Variants in SYNE2 observed in about 807,000 individuals in gnomAD.
SYNE2 encodes the protein nesprin-2.
A neutral mutation model predicts 856.3 loss-of-function variants in SYNE2; 431 were observed. The observed-to-expected ratio is 0.50, with a 90% CI of 0.47 to 0.55. The LOEUF (loss-of-function observed/expected upper bound fraction) is 0.55. Among genes scored for constraint, SYNE2 ranks in the 20% least tolerant of loss-of-function variants. The pLI is 0.00. For missense variants in SYNE2, 8,129 were observed against 8,023.2 expected (o/e 1.01, Z -0.50); for synonymous variants, 2,923 against 2,872.3 (o/e 1.02, Z -0.56).
Position 64,031,033 on chromosome 14 carries a change from C to A in SYNE2, c.6897C>A (p.Leu2299=). The A allele has an allele frequency of 6.2e-7, 1 of 1,613,692 alleles. No individual in the cohort carries two copies. The highest frequency in any genetic ancestry group is 1.1e-5 in the South Asian group (1 of 90,978). Residue 2299 remains leucine (L), a synonymous_variant, in exon 45 of 116, where the codon CTC becomes CTA. Coordinates refer to ENST00000555002, the MANE Select transcript of SYNE2 (RefSeq NM_182914.3). ...ACTCGTAGGAACTAGAGAATAGACTCAGTTTACAAGATGGCACATTAAAGA... is the reference window on the plus strand; with the variant it reads ...ACTCGTAGGAACTAGAGAATAGACTAAGTTTACAAGATGGCACATTAAAGA... ...LQKLQELENR[L]SLQDGTLKKI... is the part of the protein sequence containing the mutation.
rs751533043 is a variant in SYNE2 at position 64,007,130 on chromosome 14, A to G, written c.4485A>G (p.Pro1495=). 4 of 1,613,990 alleles carry G rather than the reference A, an allele frequency of 2.5e-6. No individual in the cohort carries two copies. Among genetic ancestry groups the G allele is most frequent in the African/African-American group, 2.7e-5 (2 of 75,058 alleles). Residue 1495 remains proline (P), a synonymous_variant, in exon 31 of 116, where the codon CCA becomes CCG. Coordinates refer to ENST00000555002, the MANE Select transcript of SYNE2 (RefSeq NM_182914.3). Reference sequence around the variant, plus strand: ...TACAAGAAATGGCTAATTCTCTTCCACACTTCAAAGATGGCAGAGAAAAAA... The same window carrying G: ...TACAAGAAATGGCTAATTCTCTTCCGCACTTCAAAGATGGCAGAGAAAAAA... The part of the protein sequence containing the change: ...RHLQEMANSL[P]HFKDGREKTV...
intron 8 of SYNE2, among the ~76,000 whole-genome samples, chr14:63,958,634 C>T (rs1193586247): frequency 2.0e-5 from 3 of 152,152 alleles, no homozygotes; most frequent in Admixed American, 2.0e-4. Context: ...TTTTCTCCCC[C>T]TTCTCTCCAT....
intron 58 of SYNE2, among the ~76,000 whole-genome samples, chr14:64,089,369 G>GAAAAAAAAAAAAAAAAAAAAAAAAAAA (rs57358817): frequency 2.0e-5 from 1 of 50,462 alleles, no homozygotes; most frequent in Non-Finnish European, 3.4e-5. Context: ...TCCGTCTCAG[G>GAAAAAAAAAAAAAAAAAAAAAAAAAAA]AAAAAAAAAA....
At chr14:63,845,852 T>C (rs946810106) in intron 1 of SYNE2, among the ~76,000 whole-genome samples, 7 of 151,096 alleles carry the variant, frequency 4.6e-5, no homozygotes, top group African/African-American at 1.7e-4. Flanking sequence ...GTGATTCTCC[T>C]GCCTCAGCCT....
At chr14:63,958,373 C>A (rs1247571040) in intron 8 of SYNE2, among the ~76,000 whole-genome samples, 2 of 152,102 alleles carry the variant, frequency 1.3e-5, no homozygotes, top group Non-Finnish European at 2.9e-5. Context: ...AAATAAATGA[C>A]CTTGACAGTT....
intron 113 of SYNE2, 59 bp downstream of exon 113, chr14:64,223,439 G>C (rs1382934291): frequency 6.3e-7 from 1 of 1,590,890 alleles, no homozygotes; most frequent in Non-Finnish European, 8.6e-7. Context: ...AGACAGGACA[G>C]CAGTGTTGTA....
At chr14:64,223,403 A>G in intron 113 of SYNE2, 23 bp downstream of exon 113, 2 of 1,612,628 alleles carry the variant, frequency 1.2e-6, no homozygotes, top group Non-Finnish European at 1.7e-6. Flanking sequence ...GTAGCTTTTA[A>G]CTGTAAAGAT....
rs750645462 is a variant in SYNE2, at chr14:63,964,962, CT to C, written c.990+980del. ...GATTATTACCACATATTGAACATTTCTTTTTTTTTTTTTTTTTTGAGGCGGA... is the reference window on the plus strand; with the variant it reads ...GATTATTACCACATATTGAACATTTCTTTTTTTTTTTTTTTTTGAGGCGGA... On this transcript the variant is annotated intron_variant, in intron 10 of 115. Transcript: ENST00000555002. Among the ~76,000 whole-genome samples the C allele has an allele frequency of 4.6e-3, 602 of 130,984 alleles. 4 individuals are homozygous for C. The highest frequency in any genetic ancestry group is 0.021 in the South Asian group (84 of 3,938). The allele number at this position is 130,984 out of a possible 152,430, so 85.9% of individuals were successfully genotyped here. A position where few individuals can be genotyped will look rare whatever the true frequency, so the allele number is the denominator to read the frequency against.
chr14:63,852,004 AT>A (rs1890544829), upstream of SYNE2, among the ~76,000 whole-genome samples: 1 of 6,932 alleles, frequency 1.4e-4, no homozygotes, highest in Non-Finnish European at 2.8e-4. Flanking sequence ...AATGAAATGG[AT>A]GAAATGGGGG....
At chr14:63,891,744 A>G (rs1460179259) in intron 1 of SYNE2, among the ~76,000 whole-genome samples, 1 of 152,056 alleles carries the variant, frequency 6.6e-6, no homozygotes, top group Non-Finnish European at 1.5e-5. Flanking sequence ...CTTATCTGAA[A>G]AAGATTGCTT....
At chr14:64,107,448 C>G (rs768809236) in intron 64 of SYNE2, 43 bp from the exon 65 acceptor site, 3 of 1,537,636 alleles carry the variant, frequency 2.0e-6, no homozygotes, top group South Asian at 1.1e-5. Flanking sequence ...CATGTGGCAC[C>G]AGGGCAGGAC....
intron 79 of SYNE2, among the ~76,000 whole-genome samples, chr14:64,139,411 A>AT (rs1347057543): frequency 1.0e-3 from 151 of 149,896 alleles, no homozygotes; most frequent in African/African-American, 3.5e-3. Context: ...CATTATTATT[A>AT]TTATTTTTTT....
intron 1 of SYNE2, among the ~76,000 whole-genome samples, chr14:63,809,986 G>A (rs1411448212): frequency 2.0e-5 from 3 of 152,142 alleles, no homozygotes; most frequent in African/African-American, 7.2e-5. Context: ...ACTTTGGGAG[G>A]CCAAGGCAGG....
At position 63,990,405 on chromosome 14, in the gene SYNE2, T is replaced by C. The variant is rs1458104798; in HGVS notation, c.2314-6T>C. ...ATTGTGATCTCACTTCAATTTGTTT[T>C]AATAGCATCTTATTGCCAAAGGCTC... On this transcript the variant is annotated splice_region_variant and splice_polypyrimidine_tract_variant and intron_variant, in intron 19 of 115. Transcript: ENST00000555002. The C allele has an allele frequency of 1.9e-6, 3 of 1,612,078 alleles. No homozygotes were observed. The highest frequency in any genetic ancestry group is 2.5e-6 in the Non-Finnish European group (3 of 1,179,504).
chr14:63,901,048 T>C (rs1445286043), intron 1 of SYNE2, among the ~76,000 whole-genome samples: 1 of 152,240 alleles, frequency 6.6e-6, no homozygotes, highest in African/African-American at 2.4e-5. Context: ...ACATCTGTTA[T>C]GATATACCTT....
rs1299730655 is a variant in SYNE2, at chr14:64,110,590, C to A, written c.12610-2751C>A. Among the ~76,000 whole-genome samples, 64 of 16,940 alleles carry A rather than the reference C, an allele frequency of 3.8e-3. 1 individual carries two copies. Among genetic ancestry groups the A allele is most frequent in the African/African-American group, 8.5e-3 (60 of 7,040 alleles). The allele number at this position is 16,940 out of a possible 152,430, so 11.1% of individuals were successfully genotyped here. On this transcript the variant is annotated intron_variant, in intron 65 of 115. Coordinates refer to ENST00000555002, the MANE Select transcript of SYNE2 (RefSeq NM_182914.3). ...ATACTTATAGTAATACTTTTTACAC[C>A]CCCCCCCCCCCGCCAAAGTGTACAA...
chr14:63,945,456 C>T (rs1595797322), intron 6 of SYNE2, among the ~76,000 whole-genome samples: 1 of 152,090 alleles, frequency 6.6e-6, no homozygotes, highest in Non-Finnish European at 1.5e-5. Context: ...CATTTTATAT[C>T]ATGTCTGTGA....
At chr14:64,169,609 C>A (rs1308396494) in intron 93 of SYNE2, among the ~76,000 whole-genome samples, 1 of 152,238 alleles carries the variant, frequency 6.6e-6, no homozygotes, top group Non-Finnish European at 1.5e-5. Flanking sequence ...CACCCATACA[C>A]CTCTGAATCT....
At chr14:64,183,743 G>T (rs1344662411) in intron 96 of SYNE2, among the ~76,000 whole-genome samples, 2 of 152,090 alleles carry the variant, frequency 1.3e-5, no homozygotes, top group African/African-American at 2.4e-5. Context: ...GCGAAACTCC[G>T]TCTCCACCAA....
Sources: allele counts gnomAD v4.1 joint callset (sites outside exome capture counted in the v4.1 genomes callset), GRCh38; gene constraint gnomAD v4.1.1; transcripts MANE v1.5; gene names NCBI Gene and HGNC (gene_info 2026-07-23, HGNC 2026-07-21).